The following MEGF10 variants were observed in gnomAD, a reference collection of about 807,000 sequenced individuals.
MEGF10 encodes the protein multiple EGF like domains 10, also known as multiple epidermal growth factor-like domains protein 10.
A neutral mutation model predicts 147.5 loss-of-function variants in MEGF10; 86 were observed. The observed-to-expected ratio is 0.58, with a 90% confidence interval of 0.49 to 0.70. The LOEUF is 0.70. Among genes scored for constraint, MEGF10 ranks in the 30% least tolerant of loss-of-function variants. MEGF10 has a pLI of 0.00. For missense variants in MEGF10, 1,329 were observed against 1,487.3 expected (o/e 0.89, Z 1.75); for synonymous variants, 478 against 525.5 (o/e 0.91, Z 1.24).
the MEGF10 span, among the ~76,000 whole-genome samples, chr5:127,271,093 G>T: frequency 6.6e-6 from 1 of 152,176 alleles, no homozygotes; most frequent in Non-Finnish European, 1.5e-5. Flanking sequence ...TGGGATGGCT[G>T]GATCAAATGG....
At chr5:127,298,602 A>G (rs1468860863) in intron 1 of MEGF10, among the ~76,000 whole-genome samples, 41 of 152,182 alleles carry the variant, frequency 2.7e-4, no homozygotes, top group Non-Finnish European at 1.5e-5. Flanking sequence ...GTGCTGATGC[A>G]GGTGGCCCAT....
At chr5:127,322,335 C>G (rs1255236481) in intron 1 of MEGF10, among the ~76,000 whole-genome samples, 4 of 152,114 alleles carry the variant, frequency 2.6e-5, no homozygotes, top group Non-Finnish European at 4.4e-5. Context: ...ACAATCCTGC[C>G]TCTTTGCCTT....
intron 1 of MEGF10, among the ~76,000 whole-genome samples, chr5:127,308,606 C>T (rs1318632176): frequency 6.6e-6 from 1 of 151,870 alleles, no homozygotes; most frequent in African/African-American, 2.4e-5. Flanking sequence ...AGCAAACTAT[C>T]GCAAGGACGA....
the MEGF10 span, among the ~76,000 whole-genome samples, chr5:127,274,911 C>T: frequency 8.5e-5 from 13 of 152,122 alleles, no homozygotes; most frequent in Non-Finnish European, 1.6e-4. Flanking sequence ...ATCCATATCC[C>T]TCTCATTTTT....
chr5:127,334,925 C>T (rs1761404061), intron 2 of MEGF10, among the ~76,000 whole-genome samples: 1 of 152,090 alleles, frequency 6.6e-6, no homozygotes, highest in Admixed American at 6.6e-5. Flanking sequence ...TGTAATTAAC[C>T]ACTTTGGAAC....
chr5:127,402,656 T>A lies in MEGF10; in HGVS notation c.891T>A (p.His297Gln). 2 of 1,614,078 alleles carry A rather than the reference T, an allele frequency of 1.2e-6. No individual in the cohort carries two copies. The highest frequency in any genetic ancestry group is 1.7e-6 in the Non-Finnish European group (2 of 1,179,980). The change falls in exon 8 of 25, where the codon CAT becomes CAA. Residue 297 changes from histidine to glutamine, a missense_variant. His to Gln is a conservative substitution (Grantham distance 24). This residue lies in a region of MEGF10 where 980 missense variants were observed against 1,085.9 expected (regional missense o/e 0.90). Coordinates refer to ENST00000503335, the MANE Select transcript of MEGF10 (RefSeq NM_001256545.2). ...GTGATGCTGCCACAGGCCAATGTCATTGCAGTCCAGGATACACAGGGGAAC... is the reference window on the plus strand; with the variant it reads ...GTGATGCTGCCACAGGCCAATGTCAATGCAGTCCAGGATACACAGGGGAAC... The part of the protein sequence containing the change: ...GTCDAATGQC[H>Q]CSPGYTGERC...
intron 9 of MEGF10, among the ~76,000 whole-genome samples, chr5:127,416,115 C>T (rs1272095226): frequency 6.6e-6 from 1 of 151,862 alleles, no homozygotes; most frequent in Admixed American, 6.6e-5. Flanking sequence ...GCAAGCTCCA[C>T]CTCCCAGGTT....
At chr5:127,383,410 G>A (rs560621689) in intron 5 of MEGF10, among the ~76,000 whole-genome samples, 52 of 152,222 alleles carry the variant, frequency 3.4e-4, no homozygotes, top group Admixed American at 1.2e-3. Context: ...CAAGGCTGCA[G>A]TGAGCTAGGC....
intron 1 of MEGF10, among the ~76,000 whole-genome samples, chr5:127,330,866 C>T (rs1761227604): frequency 6.6e-6 from 1 of 152,100 alleles, no homozygotes; most frequent in African/African-American, 2.4e-5. Context: ...TCTCTTGATT[C>T]GATGGAGCTT....
rs1189465001 is a variant in MEGF10 at position 127,458,125 on chromosome 5, C to T, written c.*807C>T. On this transcript the variant is annotated 3_prime_UTR_variant, in exon 25 of 25. Transcript: ENST00000503335. Reference sequence around the variant, plus strand: ...TCACCACTTGAGATTCATAACATATCAATAGTTATTTCATAAATATAGAAA... The same window carrying T: ...TCACCACTTGAGATTCATAACATATTAATAGTTATTTCATAAATATAGAAA... 1.3e-5 allele frequency: 2 copies of T among 152,038 alleles called. No individual in the cohort carries two copies. The highest frequency in any genetic ancestry group is 3.8e-4 in the East Asian group (2 of 5,200). 9.4% of individuals were successfully genotyped at this position (152,038 alleles called of 1,614,324 possible).
intron 5 of MEGF10, among the ~76,000 whole-genome samples, chr5:127,379,672 C>T (rs146868846): frequency 0.058 from 8,678 of 150,154 alleles, 529 homozygotes; most frequent in African/African-American, 0.15. Context: ...CAATCTCAGC[C>T]CACTGCAACC....
At chr5:127,274,405 T>C in the MEGF10 span, among the ~76,000 whole-genome samples, 2 of 152,126 alleles carry the variant, frequency 1.3e-5, no homozygotes, top group Admixed American at 6.6e-5. Flanking sequence ...AAAGGTATCA[T>C]GGTTTTGTAA....
the MEGF10 span, among the ~76,000 whole-genome samples, chr5:127,246,777 T>TAAA: frequency 1.0e-4 from 14 of 136,358 alleles, no homozygotes; most frequent in African/African-American, 3.5e-4. Context: ...ATAAATTATA[T>TAAA]TTATATATAA....
the MEGF10 span, among the ~76,000 whole-genome samples, chr5:127,233,625 T>C: frequency 6.6e-6 from 1 of 152,222 alleles, no homozygotes; most frequent in Non-Finnish European, 1.5e-5. Flanking sequence ...TAATGAATAA[T>C]AGTATTCATA....
chr5:127,333,257 TG>T (rs1483498739), intron 2 of MEGF10, among the ~76,000 whole-genome samples: 1 of 152,152 alleles, frequency 6.6e-6, no homozygotes, highest in Non-Finnish European at 1.5e-5. Context: ...GGCTCAAGCC[TG>T]TAATCCCAGC....
At position 127,438,566 on chromosome 5, in the gene MEGF10, G is replaced by C; in HGVS notation, c.2232G>C (p.Gln744His). ...TPGWTGLYCT[Q>H]RCPLGFYGKD... Reference sequence around the variant, plus strand: ...GCTGGACAGGGCTCTACTGCACTCAGAGTAAGTGACAAGCCTTCTGAGGCT... The same window carrying C: ...GCTGGACAGGGCTCTACTGCACTCACAGTAAGTGACAAGCCTTCTGAGGCT... The change falls in exon 17 of 25, where the codon CAG becomes CAC. Residue 744 changes from glutamine to histidine, a missense_variant and splice_region_variant. Gln to His is a conservative substitution (Grantham distance 24). Transcript: ENST00000503335. 6.2e-7 allele frequency: 1 copy of C among 1,613,872 alleles called. No individual in the cohort carries two copies. The highest frequency in any genetic ancestry group is 8.5e-7 in the Non-Finnish European group (1 of 1,179,868).
At chr5:127,359,385 A>G (rs1762394523) in intron 4 of MEGF10, among the ~76,000 whole-genome samples, 1 of 151,984 alleles carries the variant, frequency 6.6e-6, no homozygotes, top group Non-Finnish European at 1.5e-5. Context: ...ATGGAGGTAA[A>G]ATTGACATAC....
chr5:127,384,265 G>T (rs1442264284), intron 5 of MEGF10, among the ~76,000 whole-genome samples: 1 of 152,182 alleles, frequency 6.6e-6, no homozygotes, highest in African/African-American at 2.4e-5. Context: ...AGTAGTAAGT[G>T]CTCAATAAAT....
the MEGF10 span, among the ~76,000 whole-genome samples, chr5:127,254,742 C>T: frequency 1.3e-5 from 2 of 150,792 alleles, no homozygotes; most frequent in African/African-American, 2.4e-5. Context: ...ACCCAGGAGG[C>T]GGAGGTTGCA....
Sources: gnomAD v4.1 joint callset for allele counts (sites outside exome capture counted in the v4.1 genomes callset) on GRCh38, gnomAD v4.1.1 for gene constraint, gnomAD v4.1.1 regional missense constraint, MANE v1.5 for transcripts, NCBI Gene and HGNC (gene_info 2026-07-23, HGNC 2026-07-21) for gene names.